The following CFAP161 variants were observed in gnomAD, a reference collection of about 807,000 sequenced individuals.
CFAP161 encodes cilia and flagella associated protein 161.
Under a neutral mutation model 29.0 loss-of-function variants are expected in CFAP161, and 25 were observed. The observed-to-expected ratio is 0.86, with a 90% CI of 0.63 to 1.20. The LOEUF (loss-of-function observed/expected upper bound fraction) is 1.20, where lower values mean the gene tolerates loss of function less well. Among genes scored for constraint, CFAP161 ranks in the 50% most tolerant of loss-of-function variants. The probability of loss-of-function intolerance (pLI) is 0.00; values close to 1 mark genes in which losing one functional copy is unlikely to be tolerated. For synonymous variants in CFAP161, 116 were observed against 137.4 expected, an observed-to-expected ratio of 0.84 and a Z score of 1.09; for missense variants, 367 against 371.9, an observed-to-expected ratio of 0.99 and a Z score of 0.11.
At chr15:81,105,118 C>CTCCCTCCCTTCCTCCCTCCCT (rs1255453981) in intron 1 of CFAP161, among the ~76,000 whole-genome samples, 5 of 50,746 alleles carry the variant, frequency 9.9e-5, no homozygotes, top group African/African-American at 4.3e-4. Flanking sequence ...TCCTTTCTCC[C>CTCCCTCCCTTCCTCCCTCCCT]CCATACCTTT....
At chr15:81,126,589 A>T (rs1262654602) in intron 1 of CFAP161, among the ~76,000 whole-genome samples, 1 of 152,138 alleles carries the variant, frequency 6.6e-6, no homozygotes, top group Non-Finnish European at 1.5e-5. Context: ...TAAAATTTTT[A>T]TGCTGGACAG....
chr15:81,104,788 A>G (rs1035438247), intron 1 of CFAP161, among the ~76,000 whole-genome samples: 19 of 152,200 alleles, frequency 1.2e-4, no homozygotes, highest in African/African-American at 4.6e-4. Flanking sequence ...ACATGGGTAT[A>G]AAATTTTACA....
chr15:81,129,089 G>A (rs2141873370), intron 2 of CFAP161, among the ~76,000 whole-genome samples: 1 of 152,194 alleles, frequency 6.6e-6, no homozygotes, highest in East Asian at 1.9e-4. Context: ...ATCTCCATCA[G>A]AGCTCTTGGG....
intron 1 of CFAP161, among the ~76,000 whole-genome samples, chr15:81,125,094 TAAAAG>T (rs1395701016): frequency 4.1e-5 from 5 of 121,658 alleles, no homozygotes; most frequent in African/African-American, 1.4e-4. Flanking sequence ...AAAGTTTATT[TAAAAG>T]AAAAGTAAAA....
chr15:81,137,176 C>T (rs1894825329), intron 3 of CFAP161, among the ~76,000 whole-genome samples: 1 of 151,428 alleles, frequency 6.6e-6, no homozygotes, highest in Admixed American at 6.6e-5. Flanking sequence ...ATTAACTGTC[C>T]ATTAAAAATG....
chr15:81,135,182 T>C, intron 1 of CFAP161, 88 bp from the exon 2 acceptor site: 1 of 949,126 alleles, frequency 1.1e-6, no homozygotes, highest in Non-Finnish European at 1.5e-6. Context: ...AAATTTTGCT[T>C]TTTCAACTTG....
intron 1 of CFAP161, among the ~76,000 whole-genome samples, chr15:81,121,105 C>T (rs1396073379): frequency 3.3e-5 from 5 of 152,148 alleles, no homozygotes; most frequent in African/African-American, 1.2e-4. Context: ...TAATTATAGC[C>T]AATTTGATCA....
rs114773212 is a variant in CFAP161 at position 81,134,391 on chromosome 15, T to A, written c.62T>A (p.Leu21Gln). The A allele has an allele frequency of 1.3e-5, 20 of 1,584,578 alleles. No individual in the cohort carries two copies. Among genetic ancestry groups the A allele is most frequent in the Non-Finnish European group, 1.7e-5 (20 of 1,166,212 alleles). Residue 21 changes from leucine to glutamine, a missense_variant, in exon 1 of 7, where the codon CTG becomes CAG. Coordinates refer to ENST00000286732, the MANE Select transcript of CFAP161 (RefSeq NM_173528.4). ...GGCAACTGGAATGAGGATGTCTACC[T>A]GGAGGAGGTACGCAGGGTGTGGCCA... ...RIGNWNEDVY[L>Q]EEELMKDFLE...
intron 1 of CFAP161, among the ~76,000 whole-genome samples, chr15:81,113,802 T>G (rs777878816): frequency 6.6e-6 from 1 of 152,164 alleles, no homozygotes; most frequent in Non-Finnish European, 1.5e-5. Context: ...CCCCTCACCT[T>G]TCTTCTTGGA....
At chr15:81,114,846 G>A (rs552534711) in intron 1 of CFAP161, among the ~76,000 whole-genome samples, 22 of 152,200 alleles carry the variant, frequency 1.4e-4, no homozygotes, top group African/African-American at 5.1e-4. Context: ...TGTATTTTTA[G>A]TAGAGACAGG....
upstream of CFAP161, among the ~76,000 whole-genome samples, chr15:81,133,894 TTGCTGCTGC>T (rs67632824): frequency 0.063 from 9,393 of 149,728 alleles, 981 homozygotes; most frequent in African/African-American, 0.21. Context: ...TAGGGCGAAA[TTGCTGCTGC>T]TGCTGCTGCT....
rs138319432 is a variant in CFAP161 at position 81,110,112 on chromosome 15, G to A, written c.-141-17478G>A. Among the ~76,000 whole-genome samples, 1,513 of 152,032 alleles carry A rather than the reference G, an allele frequency of 1.0e-2. 29 individuals carry two copies. Among genetic ancestry groups the A allele is most frequent in the African/African-American group, 0.035 (1,462 of 41,478 alleles). ...AGATCCTGTTCAGACATTCAGTACA[G>A]GTTAGTGTGAGTTTGTTTTGGTGCA... On this transcript the variant is annotated intron_variant, in intron 1 of 4. Coordinates refer to the CFAP161 transcript ENST00000560091.
intron 1 of CFAP161, among the ~76,000 whole-genome samples, chr15:81,112,172 C>T (rs967130353): frequency 1.3e-5 from 2 of 151,654 alleles, no homozygotes; most frequent in Non-Finnish European, 2.9e-5. Context: ...TTGCGCAAGC[C>T]GAGTGAAAGG....
intron 3 of CFAP161, 39 bp downstream of exon 3, chr15:81,136,787 A>G (rs1256427891): frequency 6.5e-7 from 1 of 1,537,168 alleles, no homozygotes; most frequent in East Asian, 2.3e-5. Context: ...TTCATCATAA[A>G]TATGTTTCAC....
chr15:81,108,656 C>T (rs1452430562), intron 1 of CFAP161, among the ~76,000 whole-genome samples: 1 of 152,128 alleles, frequency 6.6e-6, no homozygotes, highest in African/African-American at 2.4e-5. Context: ...CCCAACTCAC[C>T]CTTTGAGTCT....
chr15:81,130,683 G>A (rs1355971858), upstream of CFAP161, among the ~76,000 whole-genome samples: 1 of 152,190 alleles, frequency 6.6e-6, no homozygotes, highest in Admixed American at 6.5e-5. Flanking sequence ...CTGGGCAACA[G>A]AGCGAGACTC....
At chr15:81,120,633 A>G (rs1298207586) in intron 1 of CFAP161, among the ~76,000 whole-genome samples, 1 of 152,220 alleles carries the variant, frequency 6.6e-6, no homozygotes, top group Non-Finnish European at 1.5e-5. Flanking sequence ...GTAGTTGACA[A>G]AAAGGTTGAA....
intron 4 of CFAP161, among the ~76,000 whole-genome samples, chr15:81,142,203 C>A (rs1371724584): frequency 1.3e-5 from 2 of 152,112 alleles, no homozygotes; most frequent in East Asian, 1.9e-4. Flanking sequence ...GGCCCCATTG[C>A]TTTGCCCTTT....
At chr15:81,119,702 T>A (rs984870710) in intron 1 of CFAP161, among the ~76,000 whole-genome samples, 1 of 151,912 alleles carries the variant, frequency 6.6e-6, no homozygotes, top group Admixed American at 6.6e-5. Flanking sequence ...CAAAAAGAGA[T>A]AATTTAGAAT....
Sources: allele counts gnomAD v4.1 joint callset (sites outside exome capture counted in the v4.1 genomes callset), GRCh38; gene constraint gnomAD v4.1.1; transcripts MANE v1.5; gene names NCBI Gene and HGNC (gene_info 2026-07-23, HGNC 2026-07-21).